Variants in ADAMTSL3 observed in about 807,000 individuals in gnomAD.
ADAMTSL3 encodes the protein ADAMTS-like protein 3.
ADAMTSL3 carries 128 observed loss-of-function variants against 201.7 expected under a neutral mutation model. The ratio of observed to expected loss-of-function variants is 0.63; its 90% CI spans 0.55 to 0.73. The LOEUF is 0.73. Among genes scored for constraint, ADAMTSL3 ranks in the 30% least tolerant of loss-of-function variants. The pLI is 0.00. For synonymous variants in ADAMTSL3, 738 were observed against 748.4 expected (o/e 0.99, Z 0.23); for missense variants, 1,990 against 2,119.6 (o/e 0.94, Z 1.20).
At chr15:83,920,367 C>T (rs922812437) in intron 16 of ADAMTSL3, among the ~76,000 whole-genome samples, 1 of 152,158 alleles carries the variant, frequency 6.6e-6, no homozygotes, top group Non-Finnish European at 1.5e-5. Flanking sequence ...TTATGATGCC[C>T]TTCCTAAGGC....
rs184591569 is a variant in ADAMTSL3, at chr15:83,976,758, G to A, written c.2645-5515G>A. Among the ~76,000 whole-genome samples, 29 of 152,214 alleles carry A rather than the reference G, an allele frequency of 1.9e-4. No individual in the cohort carries two copies. The South Asian group carries it at 5.0e-3, about 26-fold the overall frequency. On this transcript the variant is annotated intron_variant, in intron 20 of 29. Transcript: ENST00000286744. ...GGCAGTAATGGCAGTGATGGGGAAC[G>A]GCTGTAAATACAGATGAAGCTTCGC...
At chr15:83,997,277 TC>T (rs892454244) in intron 23 of ADAMTSL3, among the ~76,000 whole-genome samples, 1 of 152,160 alleles carries the variant, frequency 6.6e-6, no homozygotes, top group Non-Finnish European at 1.5e-5. Flanking sequence ...CTAGCTGTAA[TC>T]CTTTATTGCT....
intron 8 of ADAMTSL3, among the ~76,000 whole-genome samples, chr15:83,867,034 A>G (rs567825056): frequency 2.0e-5 from 3 of 152,312 alleles, no homozygotes; most frequent in South Asian, 4.1e-4. Context: ...CTTAGTTAAC[A>G]TTTCTGAATA....
intron 3 of ADAMTSL3, among the ~76,000 whole-genome samples, chr15:83,758,500 A>G (rs2062755619): frequency 6.6e-6 from 1 of 152,212 alleles, no homozygotes; most frequent in Non-Finnish European, 1.5e-5. Flanking sequence ...CAAGATTTGG[A>G]TGGGGACACA....
At chr15:83,825,382 A>G (rs751873748) in intron 6 of ADAMTSL3, among the ~76,000 whole-genome samples, 2 of 152,158 alleles carry the variant, frequency 1.3e-5, no homozygotes, top group Non-Finnish European at 2.9e-5. Context: ...AGGCCAAGAC[A>G]GGAGAGTTCG....
chr15:83,953,074 C>G (rs1347369402), intron 19 of ADAMTSL3, among the ~76,000 whole-genome samples: 1 of 152,214 alleles, frequency 6.6e-6, no homozygotes, highest in East Asian at 1.9e-4. Context: ...CTTGTTTTTT[C>G]ATCCATTCAG....
intron 19 of ADAMTSL3, among the ~76,000 whole-genome samples, chr15:83,958,711 C>G (rs1198016709): frequency 4.6e-5 from 7 of 151,840 alleles, no homozygotes; most frequent in African/African-American, 1.7e-4. Flanking sequence ...ACAAAATGAG[C>G]TAAGAGAAAC....
At chr15:83,783,052 G>A (rs926677550) in intron 4 of ADAMTSL3, among the ~76,000 whole-genome samples, 4 of 146,610 alleles carry the variant, frequency 2.7e-5, no homozygotes, top group South Asian at 2.1e-4. Flanking sequence ...ACTGTTTAGC[G>A]CAATATGTTT....
chr15:84,036,472 G>A (rs72748660), intron 28 of ADAMTSL3, among the ~76,000 whole-genome samples: 77 of 152,280 alleles, frequency 5.1e-4, no homozygotes, highest in Non-Finnish European at 8.5e-4. Flanking sequence ...CTTCCAGCTA[G>A]TCAGGATGTG....
chr15:83,838,926 G>A (rs1326851871), intron 7 of ADAMTSL3, among the ~76,000 whole-genome samples: 1 of 152,186 alleles, frequency 6.6e-6, no homozygotes, highest in African/African-American at 2.4e-5. Context: ...AGCTGTTGCA[G>A]TGTAAAAGCA....
At chr15:83,758,470 G>C (rs1166033370) in intron 3 of ADAMTSL3, among the ~76,000 whole-genome samples, 1 of 152,180 alleles carries the variant, frequency 6.6e-6, no homozygotes, top group Non-Finnish European at 1.5e-5. Flanking sequence ...CAACACATGG[G>C]AATTATGGGA....
chr15:83,776,609 G>A (rs1345590386), intron 4 of ADAMTSL3, among the ~76,000 whole-genome samples: 1 of 152,014 alleles, frequency 6.6e-6, no homozygotes, highest in African/African-American at 2.4e-5. Context: ...TCCAGCTACT[G>A]AGGAGGCTAA....
intron 19 of ADAMTSL3, among the ~76,000 whole-genome samples, chr15:83,956,866 C>T (rs1854302276): frequency 6.6e-6 from 1 of 152,124 alleles, no homozygotes; most frequent in Non-Finnish European, 1.5e-5. Context: ...TTTCCATAGC[C>T]TTACAAACTC....
At position 84,037,805 on chromosome 15, in the gene ADAMTSL3, A is replaced by G; in HGVS notation, c.5075A>G (p.Ter1692=). 4.3e-6 allele frequency: 7 copies of G among 1,612,430 alleles called. No individual in the cohort carries two copies. The highest frequency in any genetic ancestry group is 5.9e-6 in the Non-Finnish European group (7 of 1,179,680). The change falls in exon 30 of 30, where the codon TAA becomes TGA. Residue 1692 remains the stop codon, a stop_retained_variant. Transcript: ENST00000286744. The part of the protein sequence containing the change: ...QRCCQSCQEG[*] ...TGCTGCCAGTCATGTCAAGAGGGAT[A>G]AACCTTTGGAGGGGTCATGATGCTG...
At chr15:83,700,580 A>G (rs1483463578) in intron 2 of ADAMTSL3, among the ~76,000 whole-genome samples, 1 of 152,182 alleles carries the variant, frequency 6.6e-6, no homozygotes, top group Non-Finnish European at 1.5e-5. Flanking sequence ...CCTGGCCAAC[A>G]TGGTGAAACC....
At chr15:84,031,238 A>C in intron 27 of ADAMTSL3, 97 bp from the exon 28 acceptor site, 1 of 1,207,438 alleles carries the variant, frequency 8.3e-7, no homozygotes, top group Non-Finnish European at 1.2e-6. Flanking sequence ...TCCCCTTGTA[A>C]TAGGTCTTCA....
At chr15:83,832,048 C>G (rs1458013248) in intron 6 of ADAMTSL3, among the ~76,000 whole-genome samples, 2 of 152,076 alleles carry the variant, frequency 1.3e-5, no homozygotes, top group Non-Finnish European at 2.9e-5. Flanking sequence ...GGAGGGACAC[C>G]TTTTCCCTTG....
intron 2 of ADAMTSL3, among the ~76,000 whole-genome samples, chr15:83,692,219 T>C (rs958532359): frequency 6.6e-6 from 1 of 152,044 alleles, no homozygotes; most frequent in African/African-American, 2.4e-5. Flanking sequence ...GATGTTAGCA[T>C]CTTAATATTA....
Position 83,860,872 on chromosome 15 carries a change from G to A in ADAMTSL3, c.802+2032G>A, listed in dbSNP as rs996583260. Among the ~76,000 whole-genome samples the A allele has an allele frequency of 7.9e-5, 12 of 152,292 alleles. No homozygotes were observed. The South Asian group carries it at 8.3e-4, about 11-fold the overall frequency. ...CTGAGCCAAAGCAGGGCAAGGCATC[G>A]CGTCACCCGGGAAGCGCAATGGGTC... On this transcript the variant is annotated intron_variant, in intron 8 of 29. Transcript: ENST00000286744.
Sources: gnomAD v4.1 joint callset for allele counts (sites outside exome capture counted in the v4.1 genomes callset) on GRCh38, gnomAD v4.1.1 for gene constraint, MANE v1.5 for transcripts, NCBI Gene and HGNC (gene_info 2026-07-23, HGNC 2026-07-21) for gene names.